SPAG16: variants seen among roughly 807,000 people sequenced by gnomAD.
SPAG16 encodes sperm associated antigen 16.
In SPAG16, 86 loss-of-function variants were observed where a neutral mutation model predicts 80.4. The observed-to-expected ratio is 1.07, with a 90% CI of 0.90 to 1.28. The LOEUF is 1.28. Ranked by LOEUF, SPAG16 falls within the 50% of genes most tolerant of loss-of-function variation. The probability of loss-of-function intolerance (pLI) is 0.00; values close to 1 mark genes in which losing one functional copy is unlikely to be tolerated. For missense variants in SPAG16, 870 were observed against 765.3 expected (o/e 1.14, Z -1.61); for synonymous variants, 294 against 265.9 (o/e 1.11, Z -1.03).
At chr2:214,329,882 A>T (rs1272561889) in intron 15 of SPAG16, among the ~76,000 whole-genome samples, 1 of 152,174 alleles carries the variant, frequency 6.6e-6, no homozygotes, top group Admixed American at 6.6e-5. Context: ...CATCGATGAA[A>T]TGTCAGCTTG....
chr2:213,974,225 A>C (rs1458565022), intron 12 of SPAG16, among the ~76,000 whole-genome samples: 1 of 152,124 alleles, frequency 6.6e-6, no homozygotes, highest in Non-Finnish European at 1.5e-5. Flanking sequence ...AAAAGCTTTT[A>C]AGCAAAGAAA....
chr2:214,329,851 G>A lies in SPAG16; in HGVS notation c.1721-80289G>A, dbSNP rs185557242. On this transcript the variant is annotated intron_variant, in intron 15 of 15. Coordinates refer to ENST00000331683, the MANE Select transcript of SPAG16 (RefSeq NM_024532.5). ...CTATAAAAAAATGCTTTTAGCAAAG[G>A]TGTCAACTTTGCCCCTATATCATCG... Among the ~76,000 whole-genome samples, 304 of 152,236 alleles carry A rather than the reference G, an allele frequency of 2.0e-3. 1 individual carries two copies. Among genetic ancestry groups the A allele is most frequent in the Non-Finnish European group, 3.5e-3 (235 of 68,008 alleles).
At chr2:213,399,268 T>A (rs1456226601) in intron 9 of SPAG16, among the ~76,000 whole-genome samples, 4 of 152,094 alleles carry the variant, frequency 2.6e-5, no homozygotes, top group Non-Finnish European at 4.4e-5. Context: ...GTGGTTATTC[T>A]TTATCAAGTT....
intron 9 of SPAG16, among the ~76,000 whole-genome samples, chr2:213,440,685 T>C (rs1158522162): frequency 6.6e-6 from 1 of 152,206 alleles, no homozygotes; most frequent in Non-Finnish European, 1.5e-5. Context: ...AAAATAACAG[T>C]ACTTTTAATA....
At chr2:214,372,089 G>A (rs1194536311) in intron 15 of SPAG16, among the ~76,000 whole-genome samples, 1 of 151,964 alleles carries the variant, frequency 6.6e-6, no homozygotes, top group Non-Finnish European at 1.5e-5. Flanking sequence ...CTCCTATTGG[G>A]TCTCTCCTCT....
intron 15 of SPAG16, among the ~76,000 whole-genome samples, chr2:214,153,410 T>G (rs2056071955): frequency 6.6e-6 from 1 of 152,200 alleles, no homozygotes; most frequent in Non-Finnish European, 1.5e-5. Flanking sequence ...ATTATTGATA[T>G]TCATATATAA....
At chr2:213,682,873 G>C (rs924079499) in intron 10 of SPAG16, among the ~76,000 whole-genome samples, 2 of 152,152 alleles carry the variant, frequency 1.3e-5, no homozygotes, top group East Asian at 1.9e-4. Flanking sequence ...TGCTGTGTTT[G>C]TCCTAGATGG....
chr2:214,003,968 A>G (rs2046912497), intron 12 of SPAG16, among the ~76,000 whole-genome samples: 1 of 152,216 alleles, frequency 6.6e-6, no homozygotes, highest in Admixed American at 6.6e-5. Context: ...ATGGCAATAA[A>G]TAGACTGTTA....
At chr2:213,457,983 C>T (rs1007033880) in intron 9 of SPAG16, among the ~76,000 whole-genome samples, 4 of 151,604 alleles carry the variant, frequency 2.6e-5, no homozygotes, top group African/African-American at 9.7e-5. Flanking sequence ...GGACATATTA[C>T]AGATGACTGC....
At chr2:213,938,276 G>A (rs923352625) in intron 12 of SPAG16, among the ~76,000 whole-genome samples, 1 of 151,920 alleles carries the variant, frequency 6.6e-6, no homozygotes, top group Admixed American at 6.6e-5. Context: ...AAAGGGTTTA[G>A]TATATTTCTA....
chr2:213,456,932 A>G (rs965689874), intron 9 of SPAG16, among the ~76,000 whole-genome samples: 3 of 151,738 alleles, frequency 2.0e-5, no homozygotes, highest in Non-Finnish European at 4.4e-5. Flanking sequence ...GCCTTCTTGT[A>G]TCTTATAACA....
intron 13 of SPAG16, among the ~76,000 whole-genome samples, chr2:214,046,708 G>T (rs973748516): frequency 6.6e-6 from 1 of 151,990 alleles, no homozygotes; most frequent in East Asian, 1.9e-4. Context: ...ACAAGAGAAC[G>T]AAATAAAAAA....
chr2:213,798,294 C>T (rs2071171015), intron 10 of SPAG16, among the ~76,000 whole-genome samples: 1 of 152,144 alleles, frequency 6.6e-6, no homozygotes, highest in Non-Finnish European at 1.5e-5. Context: ...CTCACTGTTG[C>T]CCAGGCTGGA....
chr2:213,776,310 A>G (rs922680258), intron 10 of SPAG16, among the ~76,000 whole-genome samples: 8 of 152,178 alleles, frequency 5.3e-5, no homozygotes. Context: ...GAGAGACACA[A>G]CATTGCTGGC....
intron 15 of SPAG16, among the ~76,000 whole-genome samples, chr2:214,331,864 C>A (rs191525925): frequency 2.0e-5 from 3 of 152,182 alleles, no homozygotes; most frequent in Non-Finnish European, 4.4e-5. Context: ...CTGGCTAAAG[C>A]TTTGTGTGCA....
chr2:214,248,352 T>C (rs1246099114), intron 15 of SPAG16, among the ~76,000 whole-genome samples: 1 of 150,170 alleles, frequency 6.7e-6, no homozygotes, highest in Non-Finnish European at 1.5e-5. Flanking sequence ...AGAGTCTTGC[T>C]GTGTCGCCAG....
In SPAG16 at chr2:213,932,516, C is replaced by A. The variant is rs376446708; in HGVS notation, c.1400+2371C>A. Among the ~76,000 whole-genome samples the A allele has an allele frequency of 5.9e-5, 9 of 152,072 alleles. No homozygotes were observed. In the East Asian group the frequency reaches 1.5e-3, roughly 26 times the overall value. On this transcript the variant is annotated intron_variant, in intron 12 of 15. Transcript: ENST00000331683. ...CTGCGCCTGGCCATGCTGCATAGTTCTTAATAAATACCAAATTTATATTGG... is the reference window on the plus strand; with the variant it reads ...CTGCGCCTGGCCATGCTGCATAGTTATTAATAAATACCAAATTTATATTGG...
chr2:213,799,681 T>C (rs1357733151), intron 10 of SPAG16, among the ~76,000 whole-genome samples: 1 of 152,270 alleles, frequency 6.6e-6, no homozygotes, highest in South Asian at 2.1e-4. Flanking sequence ...ATAACAGTTT[T>C]ATAGAAAATA....
intron 12 of SPAG16, among the ~76,000 whole-genome samples, chr2:213,957,046 A>G (rs1441971660): frequency 6.6e-6 from 1 of 152,068 alleles, no homozygotes; most frequent in Non-Finnish European, 1.5e-5. Flanking sequence ...GGCCTAAAAT[A>G]TGGTCTATCC....
Sources: gnomAD v4.1 joint callset for allele counts (sites outside exome capture counted in the v4.1 genomes callset) on GRCh38, gnomAD v4.1.1 for gene constraint, MANE v1.5 for transcripts, NCBI Gene and HGNC (gene_info 2026-07-23, HGNC 2026-07-21) for gene names.